The following EDDM13 variants were observed in gnomAD, a reference collection of about 807,000 sequenced individuals.
The protein encoded by EDDM13 is epididymal protein 13.
A neutral mutation model predicts 17.8 loss-of-function variants in EDDM13; 24 were observed. The observed-to-expected ratio is 1.35, with a 90% CI of 0.98 to 1.90. The LOEUF is 1.90. Ranked by LOEUF, EDDM13 falls within the 40% of genes most tolerant of loss-of-function variation. The pLI, the probability that EDDM13 is intolerant of heterozygous loss-of-function variation, is 0.00. For missense variants in EDDM13, 97 were observed against 100.8 expected (o/e 0.96, Z 0.16); for synonymous variants, 31 against 37.5 (o/e 0.83, Z 0.63).
At chr19:56,289,511 C>T (rs963619263) in intron 8 of EDDM13, among the ~76,000 whole-genome samples, 15 of 152,106 alleles carry the variant, frequency 9.9e-5, no homozygotes, top group African/African-American at 3.6e-4. Flanking sequence ...TACTGATCCT[C>T]GAGGCCAAAG....
intron 13 of EDDM13, among the ~76,000 whole-genome samples, chr19:56,303,240 G>C (rs1443967553): frequency 2.6e-5 from 4 of 152,168 alleles, no homozygotes; most frequent in Admixed American, 6.5e-5. Context: ...AGCACTGTGG[G>C]AGGCTGAGGC....
rs543213701 is a variant in EDDM13, at chr19:56,294,395, A to G, written c.233-1564A>G. ...CTATAATGTGGGCGTAACTTACCCA[A>G]ACTCCCTTAGATTCTATTTTCCTAC... On this transcript the variant is annotated intron_variant, in intron 9 of 14. Coordinates refer to ENST00000649256, the MANE Select transcript of EDDM13 (RefSeq NM_001354658.2). Among the ~76,000 whole-genome samples the G allele has an allele frequency of 3.3e-5, 5 of 152,366 alleles. No homozygotes were observed. The East Asian group carries it at 9.6e-4, about 29-fold the overall frequency.
intron 9 of EDDM13, among the ~76,000 whole-genome samples, chr19:56,293,539 G>A (rs1194491949): frequency 6.6e-6 from 1 of 152,128 alleles, no homozygotes; most frequent in African/African-American, 2.4e-5. Context: ...TGTGGGCGCC[G>A]GTCCTGACTG....
Position 56,284,997 on chromosome 19 carries a change from G to A in EDDM13, c.128-1G>A, listed in dbSNP as rs1362153551. The A allele has an allele frequency of 2.0e-6, 2 of 985,126 alleles. No individual in the cohort carries two copies. The highest frequency in any genetic ancestry group is 3.5e-5 in the African/African-American group (2 of 57,208). The allele number at this position is 985,126 out of a possible 1,614,324, so 61.0% of individuals were successfully genotyped here. Reference sequence around the variant, plus strand: ...ATCATGTGTTATGTCTTCTTCCTCAGGTCTCATGAGCAGACTGTCACCGGA... The same window carrying A: ...ATCATGTGTTATGTCTTCTTCCTCAAGTCTCATGAGCAGACTGTCACCGGA... On this transcript the variant is annotated splice_acceptor_variant, in intron 5 of 14. Transcript: ENST00000649256. LOFTEE classifies it high-confidence loss of function.
intron 14 of EDDM13, among the ~76,000 whole-genome samples, chr19:56,305,618 T>C (rs1481003288): frequency 3.9e-5 from 6 of 152,188 alleles, no homozygotes; most frequent in African/African-American, 1.4e-4. Flanking sequence ...ATATGATAAT[T>C]CTGTGTTTAT....
chr19:56,274,813 C>A (rs2038130195), intron 1 of EDDM13: 1 of 152,124 alleles, frequency 6.6e-6, no homozygotes, highest in Non-Finnish European at 1.5e-5. Context: ...AGCTCTTGCT[C>A]AACCATGTTG....
intron 14 of EDDM13, among the ~76,000 whole-genome samples, chr19:56,305,447 G>A (rs145437447): frequency 2.0e-5 from 3 of 152,272 alleles, no homozygotes; most frequent in East Asian, 1.9e-4. Flanking sequence ...AACACTCCAC[G>A]GCATGGACAT....
rs1469179176 is a variant in EDDM13 at position 56,302,438 on chromosome 19, T to C, written c.423+343T>C. 5.2e-5 allele frequency among the ~76,000 whole-genome samples: 7 copies of C among 133,658 alleles called. No individual in the cohort carries two copies. In the East Asian group the frequency reaches 1.6e-3, roughly 31 times the overall value. The allele number at this position is 133,658 out of a possible 152,430, so 87.7% of individuals were successfully genotyped here. A position where few individuals can be genotyped will look rare whatever the true frequency, so the allele number is the denominator to read the frequency against. Reference sequence around the variant, plus strand: ...TTCATCCCTCCCTTTCTCCCTTCCTTCCTTTCTTCCTCTCTCCGTCTGCTT... The same window carrying C: ...TTCATCCCTCCCTTTCTCCCTTCCTCCCTTTCTTCCTCTCTCCGTCTGCTT... On this transcript the variant is annotated intron_variant, in intron 13 of 14. Transcript: ENST00000649256.
intron 9 of EDDM13, among the ~76,000 whole-genome samples, chr19:56,293,628 T>C (rs1248183419): frequency 1.3e-5 from 2 of 152,166 alleles, no homozygotes; most frequent in Non-Finnish European, 2.9e-5. Context: ...ATGCACATAA[T>C]AGTTCCAGCC....
intron 6 of EDDM13, among the ~76,000 whole-genome samples, chr19:56,285,729 T>G (rs1001779611): frequency 7.9e-5 from 12 of 152,172 alleles, no homozygotes; most frequent in Non-Finnish European, 1.8e-4. Flanking sequence ...TCCGCCCGCC[T>G]TGGCCTCCCA....
intron 1 of EDDM13, among the ~76,000 whole-genome samples, 45 bp from the exon 2 acceptor site, chr19:56,276,047 C>T (rs1310990797): frequency 6.6e-6 from 1 of 152,188 alleles, no homozygotes; most frequent in Non-Finnish European, 1.5e-5. Flanking sequence ...TCTCTCTGCT[C>T]CCTGCTCCCG....
intron 1 of EDDM13, chr19:56,274,763 TTTTTTGTTTTG>T (rs1301167950): frequency 6.1e-4 from 33 of 53,858 alleles, no homozygotes; most frequent in Admixed American, 4.5e-3. Flanking sequence ...TTCAATTAAG[TTTTTTGTTTTG>T]TTTTGTTTTG....
chr19:56,293,602 G>T (rs954286105), intron 9 of EDDM13, among the ~76,000 whole-genome samples: 1 of 152,212 alleles, frequency 6.6e-6, no homozygotes, highest in Admixed American at 6.5e-5. Context: ...AAGGGCTCAG[G>T]CCCCTGGTCG....
At chr19:56,302,601 T>G in intron 13 of EDDM13, among the ~76,000 whole-genome samples, 1 of 66,082 alleles carries the variant, frequency 1.5e-5, no homozygotes, top group Non-Finnish European at 3.0e-5. Context: ...CCTCTCCCTC[T>G]TCTTCCTCTC....
At chr19:56,282,224 G>A (rs139564266) in intron 3 of EDDM13, among the ~76,000 whole-genome samples, 1 of 152,220 alleles carries the variant, frequency 6.6e-6, no homozygotes, top group Non-Finnish European at 1.5e-5. Context: ...AATTCAGCTG[G>A]AGAAGGGAGG....
chr19:56,299,178 C>T (rs1292801548), intron 12 of EDDM13, among the ~76,000 whole-genome samples: 1 of 151,972 alleles, frequency 6.6e-6, no homozygotes, highest in East Asian at 1.9e-4. Context: ...GTTGCCCAGG[C>T]TGGAGTGCAG....
intron 12 of EDDM13, chr19:56,299,843 C>A (rs962126384): frequency 6.6e-6 from 1 of 152,292 alleles, no homozygotes; most frequent in African/African-American, 2.4e-5. Context: ...CAGAGTCCAG[C>A]GACACAGAGG....
chr19:56,302,534 T>TCCTCCCC (rs2040347642), intron 13 of EDDM13, among the ~76,000 whole-genome samples: 1 of 19,438 alleles, frequency 5.1e-5, no homozygotes, highest in Non-Finnish European at 1.7e-4. Flanking sequence ...CCCTCCCTCT[T>TCCTCCCC]CTTCCTCCCC....
intron 6 of EDDM13, among the ~76,000 whole-genome samples, chr19:56,287,174 C>T (rs2039187314): frequency 6.6e-6 from 1 of 152,216 alleles, no homozygotes; most frequent in South Asian, 2.1e-4. Context: ...AACCACCATG[C>T]ACTTTCTCTG....
Sources: allele counts gnomAD v4.1 joint callset (sites outside exome capture counted in the v4.1 genomes callset), GRCh38; gene constraint gnomAD v4.1.1; transcripts MANE v1.5; gene names NCBI Gene and HGNC (gene_info 2026-07-23, HGNC 2026-07-21).